Variants in SENP1 observed in about 807,000 individuals in gnomAD.
The protein encoded by SENP1 is sentrin-specific protease 1.
Under a neutral mutation model 93.0 loss-of-function variants are expected in SENP1, and 21 were observed. The observed-to-expected ratio is 0.23, with a 90% CI of 0.16 to 0.33. SENP1 has a LOEUF of 0.33. Among genes scored for constraint, SENP1 ranks in the 10% least tolerant of loss-of-function variants. The probability of loss-of-function intolerance (pLI) is 1.00; values close to 1 mark genes in which losing one functional copy is unlikely to be tolerated. For missense variants in SENP1, 591 were observed against 758.7 expected (o/e 0.78, Z 2.60); for synonymous variants, 256 against 259.6 (o/e 0.99, Z 0.13).
At position 48,057,281 on chromosome 12, in the gene SENP1, G is replaced by A. The variant is rs373858720; in HGVS notation, c.1407+6429C>T. Among the ~76,000 whole-genome samples, 20 of 146,760 alleles carry A rather than the reference G, an allele frequency of 1.4e-4. No homozygotes were observed. In the East Asian group the frequency reaches 3.5e-3, roughly 26 times the overall value. ...GTCTCACTCTGTCACCCAGGTTGGA[G>A]TGCAGTGGTGTGATCTTGGCTCACT... On this transcript the variant is annotated intron_variant, in intron 13 of 17. Transcript: ENST00000549518.
At chr12:48,070,440 T>C (rs1222078430) in intron 9 of SENP1, among the ~76,000 whole-genome samples, 3 of 152,134 alleles carry the variant, frequency 2.0e-5, no homozygotes, top group Non-Finnish European at 2.9e-5. Flanking sequence ...TGTTTATCCT[T>C]CCCCTCAAGT....
chr12:48,044,984 T>G lies in SENP1; in HGVS notation c.*338A>C. On this transcript the variant is annotated 3_prime_UTR_variant, in exon 18 of 18. Transcript: ENST00000549518. Reference sequence around the variant, plus strand: ...AAGAATTTATATGAAACCAAGATTCTTTCCAAGCTTTTCTCAGTCCCATAA... The same window carrying G: ...AAGAATTTATATGAAACCAAGATTCGTTCCAAGCTTTTCTCAGTCCCATAA... 3.4e-6 allele frequency: 1 copy of G among 296,428 alleles called. No homozygotes were observed. Among genetic ancestry groups the G allele is most frequent in the South Asian group, 1.0e-4 (1 of 9,984 alleles). The allele number at this position is 296,428 out of a possible 1,614,324, so 18.4% of individuals were successfully genotyped here.
At chr12:48,063,870 A>T in intron 12 of SENP1, 29 bp from the exon 13 acceptor site, 1 of 1,594,292 alleles carries the variant, frequency 6.3e-7, no homozygotes, top group Non-Finnish European at 8.5e-7. Context: ...TCAAGACATC[A>T]AACACGCGTG....
chr12:48,063,859 G>A lies in SENP1; in HGVS notation c.1276-18C>T, dbSNP rs1247284196. On this transcript the variant is annotated intron_variant, in intron 12 of 17. Coordinates refer to ENST00000549518, the MANE Select transcript of SENP1 (RefSeq NM_001267594.2). ...TCCATTTCCTAAGAAAACAAAAGGT[G>A]TCAAGACATCAAACACGCGTGGCTT... The A allele has an allele frequency of 2.5e-6, 4 of 1,602,012 alleles. No individual in the cohort carries two copies. In the South Asian group the frequency reaches 3.3e-5, roughly 13 times the overall value.
chr12:48,058,324 C>T (rs1456951584), intron 13 of SENP1, among the ~76,000 whole-genome samples: 3 of 152,124 alleles, frequency 2.0e-5, no homozygotes, highest in South Asian at 2.1e-4. Context: ...ACAATGTTGA[C>T]GTAGATAATT....
At chr12:48,079,453 C>T (rs527978854) in intron 6 of SENP1, among the ~76,000 whole-genome samples, 3 of 150,954 alleles carry the variant, frequency 2.0e-5, no homozygotes, top group Admixed American at 6.6e-5. Context: ...GAGCCGAGAT[C>T]GCGCCACTGC....
intron 9 of SENP1, among the ~76,000 whole-genome samples, chr12:48,068,586 A>G (rs1298530044): frequency 6.6e-6 from 1 of 152,202 alleles, no homozygotes; most frequent in African/African-American, 2.4e-5. Flanking sequence ...GTGCCTTTCA[A>G]TAGATGAAAG....
rs79598818 is a variant in SENP1 at position 48,100,648 on chromosome 12, G to GA, written c.4+820dup. Among the ~76,000 whole-genome samples the GA allele has an allele frequency of 7.0e-3, 895 of 128,144 alleles. 5 individuals are homozygous for GA. Among genetic ancestry groups the GA allele is most frequent in the Admixed American group, 0.012 (155 of 12,904 alleles). The allele number at this position is 128,144 out of a possible 152,430, so 84.1% of individuals were successfully genotyped here. A position where few individuals can be genotyped will look rare whatever the true frequency, so the allele number is the denominator to read the frequency against. The stretch of plus-strand genomic sequence containing the variant: ...AGACTCCGTCTCAAAAGAAAAAAGA[G>GA]AAAAAAAAAAAAAGAACGAGAACTC... On this transcript the variant is annotated intron_variant, in intron 2 of 17. Transcript: ENST00000549518.
intron 13 of SENP1, among the ~76,000 whole-genome samples, chr12:48,063,030 T>G (rs1943061787): frequency 6.6e-6 from 1 of 152,116 alleles, no homozygotes; most frequent in African/African-American, 2.4e-5. Context: ...CCCAACCCAG[T>G]TTTCTTTTGC....
At chr12:48,047,519 T>C (rs1480393009) in intron 15 of SENP1, among the ~76,000 whole-genome samples, 1 of 152,222 alleles carries the variant, frequency 6.6e-6, no homozygotes, top group Admixed American at 6.5e-5. Flanking sequence ...ATACCTTCAA[T>C]AGAGCTCTCT....
At chr12:48,093,280 GTTTTT>G (rs374804144) in intron 4 of SENP1, among the ~76,000 whole-genome samples, 16,945 of 126,448 alleles carry the variant, frequency 0.13, 1,247 homozygotes, top group East Asian at 0.3. Context: ...TTCAGGTGAG[GTTTTT>G]TTTTTTTTTT....
In SENP1 at chr12:48,061,707, C is replaced by CAAAATT. The variant is rs1163596379; in HGVS notation, c.1407+1997_1407+2002dup. 3.9e-5 allele frequency among the ~76,000 whole-genome samples: 6 copies of CAAAATT among 152,216 alleles called. No individual in the cohort carries two copies. In the East Asian group the frequency reaches 1.2e-3, roughly 29 times the overall value. ...ATAGGCATGACCCACTGTGTCTGGCCAAAATTAAGTATTCTTCAATGAGTA... is the reference window on the plus strand; with the variant it reads ...ATAGGCATGACCCACTGTGTCTGGCCAAAATTAAAATTAAGTATTCTTCAATGAGTA... On this transcript the variant is annotated intron_variant, in intron 13 of 17. Transcript: ENST00000549518.
At chr12:48,063,925 A>AG in intron 12 of SENP1, 84 bp from the exon 13 acceptor site, 3 of 1,235,120 alleles carry the variant, frequency 2.4e-6, no homozygotes, top group Non-Finnish European at 3.4e-6. Flanking sequence ...TATAATCCTC[A>AG]GACTATATTT....
rs1254734011 is a variant in SENP1, at chr12:48,052,345, A to C, written c.1408-3213T>G. Among the ~76,000 whole-genome samples the C allele has an allele frequency of 3.9e-5, 6 of 152,212 alleles. No homozygotes were observed. In the East Asian group the frequency reaches 9.6e-4, roughly 24 times the overall value. On this transcript the variant is annotated intron_variant, in intron 13 of 17. Coordinates refer to ENST00000549518, the MANE Select transcript of SENP1 (RefSeq NM_001267594.2). ...GATTTTTAGCCATTCTCATGCTTAT[A>C]GTTTGAACTCTTCTAATTAGCTTGA...
rs1941227217 is a variant in SENP1 at position 48,044,548 on chromosome 12, T to C, written c.*774A>G. 1 of 152,036 alleles carries C rather than the reference T, an allele frequency of 6.6e-6. No individual in the cohort carries two copies. The highest frequency in any genetic ancestry group is 6.6e-5 in the Admixed American group (1 of 15,262). 9.4% of individuals were successfully genotyped at this position (152,036 alleles called of 1,614,324 possible). A position where few individuals can be genotyped will look rare whatever the true frequency, so the allele number is the denominator to read the frequency against. ...GTAGGCAACAGTAAAAGTGGTGCTT[T>C]GTTGCGCCACTGAAACCGCTCCCTG... On this transcript the variant is annotated 3_prime_UTR_variant, in exon 18 of 18. Coordinates refer to ENST00000549518, the MANE Select transcript of SENP1 (RefSeq NM_001267594.2).
intron 1 of SENP1, among the ~76,000 whole-genome samples, chr12:48,104,662 C>T (rs1946329756): frequency 6.6e-6 from 1 of 152,004 alleles, no homozygotes; most frequent in South Asian, 2.1e-4. Context: ...AAACAGGTAC[C>T]GCAAGACAGT....
At chr12:48,062,769 C>T (rs1050941686) in intron 13 of SENP1, among the ~76,000 whole-genome samples, 4 of 152,180 alleles carry the variant, frequency 2.6e-5, no homozygotes, top group African/African-American at 9.7e-5. Context: ...ATCATATCTA[C>T]TTCCAAAGAT....
intron 13 of SENP1, among the ~76,000 whole-genome samples, chr12:48,056,505 AAT>A (rs1160704016): frequency 1.1e-5 from 1 of 86,978 alleles, no homozygotes. Context: ...TACATATATA[AAT>A]ATATTATTTA....
Position 48,088,786 on chromosome 12 carries a change from T to A in SENP1, c.380+15A>T. On this transcript the variant is annotated intron_variant, in intron 5 of 17. Coordinates refer to ENST00000549518, the MANE Select transcript of SENP1 (RefSeq NM_001267594.2). ...CTGAGGAAGGGCTTGAGAACTAAGA[T>A]GACAAAATACGAACCTTGAGGTCTT... 6.2e-7 allele frequency: 1 copy of A among 1,606,058 alleles called. No homozygotes were observed. Among genetic ancestry groups the A allele is most frequent in the Non-Finnish European group, 8.5e-7 (1 of 1,175,734 alleles).
Sources: allele counts gnomAD v4.1 joint callset (sites outside exome capture counted in the v4.1 genomes callset), GRCh38; gene constraint gnomAD v4.1.1; transcripts MANE v1.5; gene names NCBI Gene and HGNC (gene_info 2026-07-23, HGNC 2026-07-21).